The following SCRN1 variants were observed in gnomAD, a reference collection of about 807,000 sequenced individuals.
SCRN1 encodes the protein secernin-1.
A neutral mutation model predicts 43.3 loss-of-function variants in SCRN1; 19 were observed. That is an observed-to-expected ratio of 0.44 (90% CI 0.31 to 0.64). The LOEUF (loss-of-function observed/expected upper bound fraction) is 0.64, where lower values mean the gene tolerates loss of function less well. Among genes scored for constraint, SCRN1 ranks in the 30% least tolerant of loss-of-function variants. The pLI, the probability that SCRN1 is intolerant of heterozygous loss-of-function variation, is 0.09. For missense variants in SCRN1, 447 were observed against 524.1 expected, an observed-to-expected ratio of 0.85 and a Z score of 1.44; for synonymous variants, 183 against 188.9, an observed-to-expected ratio of 0.97 and a Z score of 0.26.
intron 6 of SCRN1, among the ~76,000 whole-genome samples, chr7:29,931,372 C>T (rs910681380): frequency 6.6e-6 from 1 of 152,196 alleles, no homozygotes; most frequent in Non-Finnish European, 1.5e-5. Flanking sequence ...ACTAGGGATA[C>T]AGCAGTGAAC....
intron 7 of SCRN1, among the ~76,000 whole-genome samples, chr7:29,925,153 C>A (rs556619009): frequency 8.9e-4 from 135 of 152,262 alleles, no homozygotes; most frequent in Admixed American, 1.8e-3. Flanking sequence ...AATGCAGTGG[C>A]AGCATGCATG....
intron 3 of SCRN1, among the ~76,000 whole-genome samples, chr7:29,949,300 G>T (rs985540504): frequency 7.6e-5 from 11 of 144,598 alleles, no homozygotes; most frequent in African/African-American, 2.3e-4. Flanking sequence ...GGGTGACAGA[G>T]CAAGACTCCG....
upstream of SCRN1, chr7:29,990,026 G>T: frequency 1.4e-6 from 2 of 1,465,600 alleles, no homozygotes; most frequent in Admixed American, 2.6e-5. Context: ...CTCTTTGCTA[G>T]ATTTTTATTT....
chr7:29,942,803 T>G (rs1787602322), intron 4 of SCRN1, among the ~76,000 whole-genome samples: 1 of 152,104 alleles, frequency 6.6e-6, no homozygotes, highest in African/African-American at 2.4e-5. Flanking sequence ...CACCCCCTCC[T>G]CCAGACAGAC....
chr7:29,924,805 T>C (rs1232424861), intron 7 of SCRN1, among the ~76,000 whole-genome samples: 1 of 152,220 alleles, frequency 6.6e-6, no homozygotes, highest in Non-Finnish European at 1.5e-5. Flanking sequence ...ACTTCTTCCA[T>C]GGGACTCACT....
chr7:29,967,465 G>T (rs925354765), intron 2 of SCRN1, among the ~76,000 whole-genome samples: 2 of 149,756 alleles, frequency 1.3e-5, no homozygotes, highest in African/African-American at 2.5e-5. Context: ...CTGGGCTCAC[G>T]TGATCCTCTC....
At chr7:29,973,712 T>C (rs561844950) in intron 1 of SCRN1, among the ~76,000 whole-genome samples, 5 of 152,210 alleles carry the variant, frequency 3.3e-5, no homozygotes, top group Admixed American at 6.5e-5. Context: ...AAGTTGCCTG[T>C]GATAGGAAGG....
chr7:29,956,683 T>C (rs1048915379), intron 2 of SCRN1, among the ~76,000 whole-genome samples: 6 of 152,214 alleles, frequency 3.9e-5, no homozygotes, highest in Non-Finnish European at 5.9e-5. Context: ...AAGGTGTTGC[T>C]CTGCACTGGG....
chr7:29,981,842 TCCA>T (rs1335262107), intron 1 of SCRN1, among the ~76,000 whole-genome samples: 1 of 152,184 alleles, frequency 6.6e-6, no homozygotes, highest in African/African-American at 2.4e-5. Flanking sequence ...TGCCATCCCT[TCCA>T]CCTATGAGAG....
At chr7:29,944,404 A>T (rs183634563) in intron 3 of SCRN1, among the ~76,000 whole-genome samples, 48 of 152,334 alleles carry the variant, frequency 3.2e-4, no homozygotes, top group African/African-American at 1.1e-3. Context: ...GCAGTGGTTC[A>T]TGCCTATAAT....
chr7:29,990,256 C>G (rs1789330578), upstream of SCRN1: 1 of 1,551,554 alleles, frequency 6.4e-7, no homozygotes, highest in Non-Finnish European at 8.7e-7. Flanking sequence ...TAAGCCAGAC[C>G]CTGTCCCAGG....
intron 2 of SCRN1, among the ~76,000 whole-genome samples, chr7:29,966,552 T>A (rs567035450): frequency 6.6e-6 from 1 of 152,248 alleles, no homozygotes; most frequent in Non-Finnish European, 1.5e-5. Context: ...GAGTCCACTC[T>A]GTTCCAGGAA....
In SCRN1 at chr7:29,965,499, G is replaced by A. The variant is rs1418096870; in HGVS notation, c.159+3410C>T. Among the ~76,000 whole-genome samples, 3 of 152,158 alleles carry A rather than the reference G, an allele frequency of 2.0e-5. No individual in the cohort carries two copies. The highest frequency in any genetic ancestry group is 4.4e-5 in the Non-Finnish European group (3 of 68,034). On this transcript the variant is annotated intron_variant, in intron 2 of 7. Transcript: ENST00000242059. This position sits in a 1 kb window ranked among gnomAD's most constrained non-coding sequence, Gnocchi z 4.2. Reference sequence around the variant, plus strand: ...ATTGGGGATGGGGGAAGTGAGGGTCGACGTTTCCCGTGGGCTTCTAGTATA... The same window carrying A: ...ATTGGGGATGGGGGAAGTGAGGGTCAACGTTTCCCGTGGGCTTCTAGTATA...
intron 1 of SCRN1, among the ~76,000 whole-genome samples, chr7:29,985,098 C>T (rs1789109784): frequency 7.0e-6 from 1 of 143,002 alleles, no homozygotes; most frequent in South Asian, 2.2e-4. Flanking sequence ...AGCTCTTGTT[C>T]ATCTCATCCT....
At chr7:29,967,174 AACAC>A (rs142917231) in intron 2 of SCRN1, among the ~76,000 whole-genome samples, 21,774 of 148,272 alleles carry the variant, frequency 0.15, 1,567 homozygotes, top group Middle Eastern at 0.17. Flanking sequence ...CTACCATCTA[AACAC>A]ACACACACAC....
chr7:29,951,200 C>G (rs1410030203), intron 3 of SCRN1, among the ~76,000 whole-genome samples: 1 of 152,246 alleles, frequency 6.6e-6, no homozygotes, highest in African/African-American at 2.4e-5. Flanking sequence ...TTGCAGTACG[C>G]CTGGTCCAGC....
intron 5 of SCRN1, among the ~76,000 whole-genome samples, chr7:29,937,921 G>A (rs1787395684): frequency 6.6e-6 from 1 of 152,144 alleles, no homozygotes; most frequent in Non-Finnish European, 1.5e-5. Flanking sequence ...ATCCTTGCTT[G>A]CTTCAACTGT....
intron 2 of SCRN1, among the ~76,000 whole-genome samples, chr7:29,960,147 G>A (rs1244526104): frequency 2.0e-5 from 3 of 151,996 alleles, no homozygotes; most frequent in East Asian, 1.9e-4. Context: ...CAGCTCCCCC[G>A]ACTCCCGCAA....
intron 3 of SCRN1, among the ~76,000 whole-genome samples, chr7:29,951,661 T>G (rs1301658826): frequency 6.6e-6 from 1 of 152,168 alleles, no homozygotes; most frequent in African/African-American, 2.4e-5. Flanking sequence ...AAGGGACTAG[T>G]GGTCAGAGAA....
Sources: gnomAD v4.1 joint callset for allele counts (sites outside exome capture counted in the v4.1 genomes callset) on GRCh38, gnomAD v4.1.1 for gene constraint, Gnocchi (gnomAD v3.1) non-coding constraint, MANE v1.5 for transcripts, NCBI Gene and HGNC (gene_info 2026-07-23, HGNC 2026-07-21) for gene names.